The following MOV10L1 variants were observed in gnomAD, a reference collection of about 807,000 sequenced individuals.
The protein encoded by MOV10L1 is RNA helicase Mov10l1.
MOV10L1 carries 110 observed loss-of-function variants against 143.8 expected under a neutral mutation model. The observed-to-expected ratio is 0.76, with a 90% confidence interval of 0.66 to 0.90. MOV10L1 has a LOEUF of 0.90. Among genes scored for constraint, MOV10L1 ranks in the 40% least tolerant of loss-of-function variants. The pLI, the probability that MOV10L1 is intolerant of heterozygous loss-of-function variation, is 0.00. For missense variants in MOV10L1, 1,406 were observed against 1,526.8 expected (o/e 0.92, Z 1.32); for synonymous variants, 593 against 581.1 (o/e 1.02, Z -0.29).
intron 12 of MOV10L1, among the ~76,000 whole-genome samples, 192 bp from the exon 13 acceptor site, chr22:50,128,224 G>A (rs1415942313): frequency 1.3e-5 from 2 of 152,226 alleles, no homozygotes; most frequent in Admixed American, 6.5e-5. Context: ...AGTTCAGTAA[G>A]TATGAGTGTG....
chr22:50,148,025 C>A (rs527793802), intron 19 of MOV10L1, among the ~76,000 whole-genome samples: 1 of 152,368 alleles, frequency 6.6e-6, no homozygotes, highest in East Asian at 1.9e-4. Context: ...GGGTCTCACC[C>A]CACAGTGGGA....
chr22:50,144,848 T>A (rs1341038956), intron 18 of MOV10L1, among the ~76,000 whole-genome samples: 1 of 152,244 alleles, frequency 6.6e-6, no homozygotes, highest in Non-Finnish European at 1.5e-5. Context: ...CCCAAAGTGC[T>A]GGGATTACAG....
At chr22:50,142,280 G>C in intron 16 of MOV10L1, 91 bp downstream of exon 16, 1 of 998,148 alleles carries the variant, frequency 1.0e-6, no homozygotes, top group African/African-American at 1.6e-5. Flanking sequence ...CATGCAGAAG[G>C]AAGAACAGTA....
At chr22:50,128,562 T>TTTTTTTG (rs2062581802) in intron 13 of MOV10L1, 55 bp downstream of exon 13, 1 of 726,934 alleles carries the variant, frequency 1.4e-6, no homozygotes. Flanking sequence ...TTTTTTTTTT[T>TTTTTTTG]GAGACTGGGT....
intron 5 of MOV10L1, chr22:50,109,795 T>A (rs944504367): frequency 1.3e-5 from 2 of 156,966 alleles, no homozygotes; most frequent in African/African-American, 4.8e-5. Context: ...CGAGCTGTGA[T>A]CGTGCTACCG....
In MOV10L1 at chr22:50,158,125, C is replaced by T. The variant is rs774761866; in HGVS notation, c.3135C>T (p.Arg1045=). The change falls in exon 23 of 27, where the codon CGC becomes CGT. Residue 1045 remains arginine, a synonymous_variant. Coordinates refer to ENST00000262794, the MANE Select transcript of MOV10L1 (RefSeq NM_018995.3). The surrounding 1 kb of genome is among the most constrained non-coding windows in gnomAD (Gnocchi z 5.0). ...FNPAEAVQVL[R]YCCLLAHSIS... is the part of the protein sequence containing the mutation. ...CGGCCGAGGCCGTCCAGGTCCTGCG[C>T]TACTGCTGCCTCCTGGCCCACAGCA... is the stretch of plus-strand genomic sequence containing the variant. The T allele has an allele frequency of 1.1e-5, 18 of 1,614,206 alleles. No homozygotes were observed. The highest frequency in any genetic ancestry group is 1.4e-5 in the Non-Finnish European group (17 of 1,180,046).
intron 20 of MOV10L1, 142 bp from the exon 21 acceptor site, chr22:50,150,593 T>C (rs759978697): frequency 3.4e-5 from 32 of 934,062 alleles, no homozygotes; most frequent in Non-Finnish European, 4.9e-5. Context: ...CGGCATTCCC[T>C]GGTCTCCCAG....
At chr22:50,123,141 A>C (rs182786543) in intron 10 of MOV10L1, among the ~76,000 whole-genome samples, 1 of 146,996 alleles carries the variant, frequency 6.8e-6, no homozygotes, top group Admixed American at 7.1e-5. Context: ...GGTTGCGGTG[A>C]GCTGAGATCG....
chr22:50,095,530 A>T (rs1015545234), intron 2 of MOV10L1: 3 of 152,228 alleles, frequency 2.0e-5, no homozygotes, highest in Non-Finnish European at 4.4e-5. Flanking sequence ...CAGAACCTGT[A>T]GAGATGATGT....
Position 50,097,352 on chromosome 22 carries a change from G to A in MOV10L1, c.283-2091G>A, listed in dbSNP as rs528829739. ...TCGAACTCCTGGGCTCAAGTGATCC[G>A]CCCATCCCACGCCTTTCCAAATGCT... On this transcript the variant is annotated intron_variant, in intron 2 of 26. Coordinates refer to ENST00000262794, the MANE Select transcript of MOV10L1 (RefSeq NM_018995.3). 1.2e-4 allele frequency among the ~76,000 whole-genome samples: 19 copies of A among 152,172 alleles called. No individual in the cohort carries two copies. The South Asian group carries it at 2.7e-3, about 22-fold the overall frequency.
chr22:50,132,797 G>A (rs1406177458), intron 13 of MOV10L1, among the ~76,000 whole-genome samples: 1 of 152,178 alleles, frequency 6.6e-6, no homozygotes, highest in East Asian at 1.9e-4. Context: ...CACTGTGGGA[G>A]GCCAAGGCAG....
At chr22:50,121,794 C>G (rs2062354434) in intron 10 of MOV10L1, among the ~76,000 whole-genome samples, 1 of 152,146 alleles carries the variant, frequency 6.6e-6, no homozygotes, top group Admixed American at 6.5e-5. Flanking sequence ...CTTCCACAGG[C>G]CACCGACTTG....
chr22:50,125,535 A>G lies in MOV10L1; in HGVS notation c.1713A>G (p.Pro571=), dbSNP rs774128275. Residue 571 remains proline (P), a synonymous_variant, in exon 11 of 27, where the codon CCA becomes CCG. Coordinates refer to ENST00000262794, the MANE Select transcript of MOV10L1 (RefSeq NM_018995.3). ...RNGDLLVLEV[P]GLAEGRPSLY... The stretch of plus-strand genomic sequence containing the variant: ...GGGATCTGCTGGTTCTGGAGGTCCC[A>G]GGGTTGGCCGAAGGGAGGCCTTCTC... 6.2e-7 allele frequency: 1 copy of G among 1,614,188 alleles called. No homozygotes were observed.
At chr22:50,090,831 C>T in intron 1 of MOV10L1, 1 of 301,100 alleles carries the variant, frequency 3.3e-6, no homozygotes, top group Non-Finnish European at 6.4e-6. Context: ...CACCCGCCAC[C>T]ACGCCCGGCT....
In MOV10L1 at chr22:50,145,676, T is replaced by C. The variant is rs1456986891; in HGVS notation, c.2506-13T>C. ...TGGAGGAGTAAACTAACTCTACGCC[T>C]CCTTGCCCCCAGATAGTTATTGACG... On this transcript the variant is annotated splice_polypyrimidine_tract_variant and intron_variant, in intron 18 of 26. Coordinates refer to ENST00000262794, the MANE Select transcript of MOV10L1 (RefSeq NM_018995.3). 2 of 1,613,870 alleles carry C rather than the reference T, an allele frequency of 1.2e-6. No individual in the cohort carries two copies. The highest frequency in any genetic ancestry group is 1.7e-6 in the Non-Finnish European group (2 of 1,179,910).
chr22:50,154,088 G>A (rs138276), intron 22 of MOV10L1, among the ~76,000 whole-genome samples: 36,421 of 152,168 alleles, frequency 0.24, 5,378 homozygotes, highest in Non-Finnish European at 0.34. Context: ...TGGGATATGT[G>A]TATGGCGGCT....
chr22:50,120,629 T>A lies in MOV10L1; in HGVS notation c.1569+13T>A. 6.4e-7 allele frequency: 1 copy of A among 1,559,286 alleles called. No homozygotes were observed. The highest frequency in any genetic ancestry group is 8.8e-7 in the Non-Finnish European group (1 of 1,132,194). On this transcript the variant is annotated intron_variant, in intron 10 of 26. Coordinates refer to ENST00000262794, the MANE Select transcript of MOV10L1 (RefSeq NM_018995.3). ...ATTACTTGCAGAGGTAGGAAGTGTC[T>A]CATGGCCTGTGGGGTGTTGGCATCT...
chr22:50,121,445 C>G (rs1051082041), intron 10 of MOV10L1, among the ~76,000 whole-genome samples: 8 of 152,190 alleles, frequency 5.3e-5, no homozygotes, highest in Non-Finnish European at 8.8e-5. Context: ...CCTGCCTGAT[C>G]ATCTGGCACT....
At chr22:50,143,294 G>A (rs758238895) in intron 17 of MOV10L1, 73 bp downstream of exon 17, 4 of 1,491,654 alleles carry the variant, frequency 2.7e-6, no homozygotes, top group East Asian at 4.5e-5. Context: ...TTCAGGAAGT[G>A]TGAGTTTAGA....
Sources: allele counts gnomAD v4.1 joint callset (sites outside exome capture counted in the v4.1 genomes callset), GRCh38; gene constraint gnomAD v4.1.1; non-coding constraint Gnocchi (gnomAD v3.1); transcripts MANE v1.5; gene names NCBI Gene and HGNC (gene_info 2026-07-23, HGNC 2026-07-21).